The following EPB41 variants were observed in gnomAD, a reference collection of about 807,000 sequenced individuals.
The protein encoded by EPB41 is erythrocyte membrane protein band 4.1.
EPB41 carries 65 observed loss-of-function variants against 108.0 expected under a neutral mutation model. The ratio of observed to expected loss-of-function variants is 0.60; its 90% confidence interval spans 0.49 to 0.74. The LOEUF (loss-of-function observed/expected upper bound fraction) is 0.74. Among genes scored for constraint, EPB41 ranks in the 30% least tolerant of loss-of-function variants. The pLI is 0.00. For synonymous variants in EPB41, 336 were observed against 358.9 expected, an observed-to-expected ratio of 0.94 and a Z score of 0.72; for missense variants, 875 against 1,037.0, an observed-to-expected ratio of 0.84 and a Z score of 2.15.
chr1:29,040,813 T>A (rs1641206419), intron 11 of EPB41, among the ~76,000 whole-genome samples: 1 of 152,076 alleles, frequency 6.6e-6, no homozygotes, highest in South Asian at 2.1e-4. Context: ...ATTCAGTTCC[T>A]TATGTCACTA....
At chr1:28,888,941 C>A (rs774183063) in intron 1 of EPB41, among the ~76,000 whole-genome samples, 3 of 152,180 alleles carry the variant, frequency 2.0e-5, no homozygotes, top group Non-Finnish European at 2.9e-5. Flanking sequence ...ATTATTAATT[C>A]TAAGCCAGGA....
At chr1:28,973,238 G>C (rs1228700555) in intron 1 of EPB41, among the ~76,000 whole-genome samples, 1 of 152,048 alleles carries the variant, frequency 6.6e-6, no homozygotes, top group Non-Finnish European at 1.5e-5. Flanking sequence ...CTTTACTTTT[G>C]CTTTTACCCC....
chr1:29,106,739 A>C (rs1178279600), intron 17 of EPB41, among the ~76,000 whole-genome samples: 1 of 150,860 alleles, frequency 6.6e-6, no homozygotes, highest in Non-Finnish European at 1.5e-5. Context: ...ACACCTGGCT[A>C]ATTTTTGTAT....
intron 1 of EPB41, among the ~76,000 whole-genome samples, chr1:28,889,095 T>C (rs1395080182): frequency 6.6e-6 from 1 of 152,192 alleles, no homozygotes; most frequent in African/African-American, 2.4e-5. Flanking sequence ...CCCTTCCACT[T>C]TCCTGCTGTG....
intron 7 of EPB41, among the ~76,000 whole-genome samples, chr1:29,025,618 A>G (rs1355712394): frequency 6.6e-6 from 1 of 152,056 alleles, no homozygotes; most frequent in Admixed American, 6.6e-5. Flanking sequence ...TCTTTCAAAT[A>G]TATGTGTTGT....
At chr1:29,005,353 G>A (rs981442545) in intron 4 of EPB41, among the ~76,000 whole-genome samples, 2 of 152,078 alleles carry the variant, frequency 1.3e-5, no homozygotes, top group Non-Finnish European at 2.9e-5. Context: ...CTCCCACCAA[G>A]CCCCACCTCC....
chr1:28,923,611 T>A (rs1160320288), intron 1 of EPB41, among the ~76,000 whole-genome samples: 1 of 152,174 alleles, frequency 6.6e-6, no homozygotes, highest in Non-Finnish European at 1.5e-5. Context: ...CCAGATGCTA[T>A]TTTTGTTGAC....
chr1:29,029,625 A>G (rs1042150327), intron 7 of EPB41, among the ~76,000 whole-genome samples: 2 of 152,212 alleles, frequency 1.3e-5, no homozygotes, highest in Non-Finnish European at 2.9e-5. Context: ...AAAGCTCTAT[A>G]TAACAGCTCA....
At chr1:29,047,265 T>TTTTTTTTTTTTC in intron 11 of EPB41, among the ~76,000 whole-genome samples, 1 of 146,256 alleles carries the variant, frequency 6.8e-6, no homozygotes, top group African/African-American at 2.6e-5. Context: ...TTTTTTTTTT[T>TTTTTTTTTTTTC]TTTTGGAGAG....
At chr1:28,934,737 A>G (rs375964910) in intron 1 of EPB41, among the ~76,000 whole-genome samples, 2 of 148,906 alleles carry the variant, frequency 1.3e-5, no homozygotes, top group African/African-American at 2.5e-5. Flanking sequence ...GTGGTACTAC[A>G]AAATGCTCCA....
At chr1:29,077,492 G>A (rs1447355895) in intron 16 of EPB41, among the ~76,000 whole-genome samples, 1 of 152,108 alleles carries the variant, frequency 6.6e-6, no homozygotes, top group African/African-American at 2.4e-5. Context: ...GTACACATCT[G>A]TATAAATAAA....
At chr1:28,993,744 A>C (rs1308481984) in intron 3 of EPB41, among the ~76,000 whole-genome samples, 1 of 146,924 alleles carries the variant, frequency 6.8e-6, no homozygotes, top group Non-Finnish European at 1.5e-5. Context: ...GTAGCCCCCA[A>C]CTCCCATGTT....
intron 1 of EPB41, among the ~76,000 whole-genome samples, chr1:28,965,923 CTG>C (rs2095344958): frequency 1.3e-5 from 2 of 152,132 alleles, no homozygotes; most frequent in Non-Finnish European, 2.9e-5. Flanking sequence ...TGGCTCATGC[CTG>C]TAACCCCAGC....
intron 16 of EPB41, among the ~76,000 whole-genome samples, chr1:29,074,985 C>G (rs905524212): frequency 2.6e-5 from 4 of 151,364 alleles, no homozygotes; most frequent in Non-Finnish European, 5.9e-5. Flanking sequence ...GGTGAAACTC[C>G]GTCTCTACTA....
intron 3 of EPB41, among the ~76,000 whole-genome samples, chr1:28,995,970 AGAG>A (rs2096163640): frequency 6.6e-6 from 1 of 152,234 alleles, no homozygotes; most frequent in Non-Finnish European, 1.5e-5. Context: ...CATCTCATTG[AGAG>A]GAGGACATGT....
At chr1:28,986,892 C>G (rs1176598655) in intron 1 of EPB41, among the ~76,000 whole-genome samples, 2 of 152,140 alleles carry the variant, frequency 1.3e-5, no homozygotes. Flanking sequence ...TCCAGTCTTA[C>G]AACAAACTAT....
chr1:29,014,001 A>G (rs2096544535), intron 5 of EPB41, among the ~76,000 whole-genome samples: 2 of 152,088 alleles, frequency 1.3e-5, no homozygotes, highest in African/African-American at 4.8e-5. Flanking sequence ...TTCTAGGCAT[A>G]TATACATTTT....
intron 1 of EPB41, among the ~76,000 whole-genome samples, chr1:28,928,868 T>G (rs1159558754): frequency 2.0e-5 from 3 of 152,192 alleles, no homozygotes; most frequent in African/African-American, 7.2e-5. Flanking sequence ...GTCCTTGGGT[T>G]TGTTTCTAAG....
At chr1:28,980,600 C>G (rs914382646) in intron 1 of EPB41, among the ~76,000 whole-genome samples, 13 of 150,850 alleles carry the variant, frequency 8.6e-5, no homozygotes, top group Non-Finnish European at 1.6e-4. Context: ...ACCTGTAGTT[C>G]CAGCTACTTG....
Sources: gnomAD v4.1 joint callset for allele counts (sites outside exome capture counted in the v4.1 genomes callset) on GRCh38, gnomAD v4.1.1 for gene constraint, MANE v1.5 for transcripts, NCBI Gene and HGNC (gene_info 2026-07-23, HGNC 2026-07-21) for gene names.